The following TTC39B variants were observed in gnomAD, a reference collection of about 807,000 sequenced individuals.
The protein encoded by TTC39B is tetratricopeptide repeat protein 39B.
TTC39B carries 92 observed loss-of-function variants against 96.6 expected under a neutral mutation model. That is an observed-to-expected ratio of 0.95 (90% CI 0.80 to 1.13). TTC39B has a LOEUF of 1.13. TTC39B is among the 50% of genes most tolerant of loss of function. The probability of loss-of-function intolerance (pLI) is 0.00; values close to 1 mark genes in which losing one functional copy is unlikely to be tolerated. For missense variants in TTC39B, 955 were observed against 809.3 expected (o/e 1.18, Z -2.18); for synonymous variants, 367 against 299.4 (o/e 1.23, Z -2.33).
At chr9:15,281,962 GCCA>G (rs1823783906) in intron 1 of TTC39B, among the ~76,000 whole-genome samples, 1 of 152,152 alleles carries the variant, frequency 6.6e-6, no homozygotes, top group Non-Finnish European at 1.5e-5. Context: ...ACAGGCATGA[GCCA>G]CCACACACAG....
In TTC39B at chr9:15,301,662, AG is replaced by A. The variant is rs796597777; in HGVS notation, c.240+5421del. Among the ~76,000 whole-genome samples the A allele has an allele frequency of 9.3e-4, 141 of 152,242 alleles. 1 individual carries two copies. The highest frequency in any genetic ancestry group is 3.2e-3 in the African/African-American group (135 of 41,562). ...CCCCAGCTACTCGGGAGACTGAGGC[AG>A]GAGAATCACTTGAACCCGGGAGGCA... On this transcript the variant is annotated intron_variant, in intron 1 of 19. Coordinates refer to ENST00000512701, the Ensembl canonical transcript of TTC39B.
intron 3 of TTC39B, among the ~76,000 whole-genome samples, chr9:15,219,889 T>G (rs1474984545): frequency 2.0e-5 from 3 of 152,206 alleles, no homozygotes; most frequent in Non-Finnish European, 4.4e-5. Flanking sequence ...AGGCCTGCAC[T>G]TTAGGGCTGA....
In TTC39B at chr9:15,291,108, A is replaced by G. The variant is rs114023730; in HGVS notation, c.240+15976T>C. Among the ~76,000 whole-genome samples the G allele has an allele frequency of 8.3e-3, 1,261 of 152,330 alleles. 8 individuals are homozygous for G. Among genetic ancestry groups the G allele is most frequent in the African/African-American group, 0.028 (1,146 of 41,576 alleles). On this transcript the variant is annotated intron_variant, in intron 1 of 19. Coordinates refer to ENST00000512701, the Ensembl canonical transcript of TTC39B. ...TAAAGGAATTCCTTTGCTGCTTTCT[A>G]TGGTGAAGAAGGGCCACCCTCTCTT...
intron 7 of TTC39B, among the ~76,000 whole-genome samples, chr9:15,201,970 A>G (rs1399269620): frequency 3.9e-5 from 6 of 152,200 alleles, no homozygotes; most frequent in Non-Finnish European, 7.3e-5. Context: ...GGTAAAAGAA[A>G]TTAGAGAGGG....
chr9:15,192,639 A>C (rs1818922475), exon 9 of TTC39B: 1 of 1,614,178 alleles, frequency 6.2e-7, no homozygotes, highest in East Asian at 2.2e-5. Flanking sequence ...AAACTCATAG[A>C]AGAATTCCTG....
At chr9:15,250,295 A>G in intron 2 of TTC39B, 1 of 828,668 alleles carries the variant, frequency 1.2e-6, no homozygotes, top group South Asian at 5.5e-5. Context: ...CTGTTTAATT[A>G]TCTAGAGAAA....
chr9:15,231,013 G>T (rs1821392686), intron 2 of TTC39B, among the ~76,000 whole-genome samples: 1 of 151,322 alleles, frequency 6.6e-6, no homozygotes, highest in Non-Finnish European at 1.5e-5. Flanking sequence ...ACAAGTTATT[G>T]TGTGGACATG....
chr9:15,186,699 T>G (rs1331300631), intron 15 of TTC39B: 2 of 324,556 alleles, frequency 6.2e-6, no homozygotes, highest in African/African-American at 2.2e-5. Flanking sequence ...ATATACATGG[T>G]TTTTTTTTGG....
At chr9:15,217,890 G>A (rs562016064) in intron 3 of TTC39B, among the ~76,000 whole-genome samples, 19 of 152,186 alleles carry the variant, frequency 1.2e-4, no homozygotes, top group African/African-American at 3.6e-4. Flanking sequence ...CAACCAGACC[G>A]GAATGATGAG....
In TTC39B at chr9:15,288,237, G is replaced by A. The variant is rs141159324; in HGVS notation, c.240+18847C>T. On this transcript the variant is annotated intron_variant, in intron 1 of 19. Transcript: ENST00000512701. ...CTGGATAGAAGAGAGCAGTTCCCCA[G>A]CAAAGGCCCCATTCTCAGGCCTGGA... 2.3e-3 allele frequency among the ~76,000 whole-genome samples: 347 copies of A among 152,202 alleles called. 1 individual carries two copies. Among genetic ancestry groups the A allele is most frequent in the African/African-American group, 7.8e-3 (323 of 41,522 alleles).
rs112216742 is a variant in TTC39B at position 15,241,469 on chromosome 9, C to A, written c.276-15457G>T. 3.6e-3 allele frequency among the ~76,000 whole-genome samples: 548 copies of A among 151,594 alleles called. 3 individuals are homozygous for A. Among genetic ancestry groups the A allele is most frequent in the Non-Finnish European group, 5.0e-3 (340 of 67,966 alleles). ...CCAGGCATGGTATCAGATGTTAAAG[C>A]ACAAAAAATAATAGCATGCCTGCTC... On this transcript the variant is annotated intron_variant, in intron 2 of 19. Transcript: ENST00000512701.
chr9:15,205,838 G>A (rs530724925), intron 6 of TTC39B, among the ~76,000 whole-genome samples: 16 of 152,200 alleles, frequency 1.1e-4, no homozygotes, highest in African/African-American at 3.6e-4. Context: ...GGGAGCCGGG[G>A]CGGAGGGGAC....
At chr9:15,301,597 A>G (rs1824592097) in intron 1 of TTC39B, among the ~76,000 whole-genome samples, 1 of 152,130 alleles carries the variant, frequency 6.6e-6, no homozygotes, top group Admixed American at 6.5e-5. Flanking sequence ...TCTATTAAAA[A>G]TACAAAAAAT....
chr9:15,178,687 T>C (rs893247374), intron 17 of TTC39B, among the ~76,000 whole-genome samples: 6 of 152,224 alleles, frequency 3.9e-5, no homozygotes, highest in Admixed American at 1.3e-4. Context: ...CTCTGAGCTT[T>C]GTGACCTTAG....
rs898221876 is a variant in TTC39B, at chr9:15,289,226, A to C, written c.240+17858T>G. ...AAATAAAAACAAAACCTTTCCTCCC[A>C]AAAATAAAATGACTATCAGTAAATG... On this transcript the variant is annotated intron_variant, in intron 1 of 19. Transcript: ENST00000512701. Among the ~76,000 whole-genome samples, 18 of 152,212 alleles carry C rather than the reference A, an allele frequency of 1.2e-4. 1 individual carries two copies. The highest frequency in any genetic ancestry group is 4.4e-5 in the Non-Finnish European group (3 of 68,034).
chr9:15,223,829 C>A (rs942144311), intron 3 of TTC39B, among the ~76,000 whole-genome samples: 2 of 149,958 alleles, frequency 1.3e-5, no homozygotes, highest in African/African-American at 4.9e-5. Context: ...TTTGAGCACC[C>A]ACATGACACT....
chr9:15,209,975 G>A (rs774373580), intron 6 of TTC39B, 113 bp downstream of exon 6: 275 of 767,460 alleles, frequency 3.6e-4, no homozygotes, highest in Middle Eastern at 3.4e-3. Context: ...GAGTATGATA[G>A]GGAAGAGAAA....
At chr9:15,281,689 CT>C (rs1823770334) in intron 1 of TTC39B, among the ~76,000 whole-genome samples, 2 of 82,320 alleles carry the variant, frequency 2.4e-5, no homozygotes, top group African/African-American at 1.2e-4. Context: ...TTTTTTTTTT[CT>C]TTTTGAGACA....
At chr9:15,262,395 G>C (rs1822978791) in intron 2 of TTC39B, among the ~76,000 whole-genome samples, 1 of 152,076 alleles carries the variant, frequency 6.6e-6, no homozygotes, top group African/African-American at 2.4e-5. Context: ...CATAGCACTT[G>C]GCCTATTTTA....
Sources: allele counts gnomAD v4.1 joint callset (sites outside exome capture counted in the v4.1 genomes callset), GRCh38; gene constraint gnomAD v4.1.1; transcripts MANE v1.5; gene names NCBI Gene and HGNC (gene_info 2026-07-23, HGNC 2026-07-21).